Variants in ADAR observed in about 807,000 individuals in gnomAD.
ADAR encodes adenosine deaminase RNA specific.
In ADAR, 41 loss-of-function variants were observed where a neutral mutation model predicts 113.2. The ratio of observed to expected loss-of-function variants is 0.36; its 90% CI spans 0.28 to 0.47. The LOEUF (loss-of-function observed/expected upper bound fraction) is 0.47. Among genes scored for constraint, ADAR ranks in the 20% least tolerant of loss-of-function variants. The pLI is 1.00. For missense variants in ADAR, 1,242 were observed against 1,540.9 expected, an observed-to-expected ratio of 0.81 and a Z score of 3.25; for synonymous variants, 605 against 572.6, an observed-to-expected ratio of 1.06 and a Z score of -0.81.
intron 1 of ADAR, among the ~76,000 whole-genome samples, chr1:154,618,040 T>G (rs1442176828): frequency 6.6e-6 from 1 of 151,218 alleles, no homozygotes; most frequent in Non-Finnish European, 1.5e-5. Context: ...TATATGCATA[T>G]GTATATATGC....
intron 1 of ADAR, among the ~76,000 whole-genome samples, chr1:154,618,873 T>A (rs1278104073): frequency 6.6e-6 from 1 of 152,088 alleles, no homozygotes; most frequent in African/African-American, 2.4e-5. Flanking sequence ...ACTTTGGAAG[T>A]CCGAGGCAGG....
intron 3 of ADAR, 51 bp from the exon 4 acceptor site, chr1:154,598,027 AG>A: frequency 6.3e-7 from 1 of 1,583,378 alleles, no homozygotes; most frequent in Non-Finnish European, 8.6e-7. Flanking sequence ...AACACTGGTT[AG>A]TCCATCACAG....
In ADAR at chr1:154,607,980, G is replaced by C. The variant is rs755023176; in HGVS notation, c.15+12C>G. 3.7e-6 allele frequency: 6 copies of C among 1,610,736 alleles called. No individual in the cohort carries two copies. The highest frequency in any genetic ancestry group is 3.4e-6 in the Non-Finnish European group (4 of 1,178,882). ...CAGACGGCGGCGAAGGTCCAAGGCC[G>C]GCCCGGCTTACCTGCCGCGGATTCA... On this transcript the variant is annotated intron_variant, in intron 1 of 14. Transcript: ENST00000368474.
intron 1 of ADAR, among the ~76,000 whole-genome samples, chr1:154,614,200 C>G (rs1345436217): frequency 6.6e-6 from 1 of 152,156 alleles, no homozygotes; most frequent in Non-Finnish European, 1.5e-5. Context: ...GGATAACTAC[C>G]CCACGGGGTG....
rs35801582 is a variant in ADAR, at chr1:154,596,918, G to A, written c.2157C>T (p.Leu719=). The A allele has an allele frequency of 1.5e-5, 24 of 1,614,042 alleles. No homozygotes were observed. The Middle Eastern group carries it at 8.2e-4, about 55-fold the overall frequency. The change falls in exon 6 of 15, where the codon CTC becomes CTT. Residue 719 remains leucine, a synonymous_variant. Coordinates refer to ENST00000368474, the MANE Select transcript of ADAR (RefSeq NM_001111.5). ...MPNKVRKIGE[L]VRYLNTNPVG... Reference sequence around the variant, plus strand: ...CAGGGTTGGTGTTCAGGTATCTCACGAGCTCGCCAATCTTCCTGACCTTGT... The same window carrying A: ...CAGGGTTGGTGTTCAGGTATCTCACAAGCTCGCCAATCTTCCTGACCTTGT...
chr1:154,601,513 G>C lies in ADAR; in HGVS notation c.1129C>G (p.Pro377Ala), dbSNP rs1571107810. Residue 377 changes from proline (P) to alanine (A), a missense_variant, in exon 2 of 15, where the codon CCA (proline) becomes GCA (alanine). Transcript: ENST00000368474. This position sits in a 1 kb window ranked among gnomAD's most constrained non-coding sequence, Gnocchi z 4.7. ...CTTTTGGTCTCAGGGATTGCAGCTG[G>C]AGCGGTTTCAGGAACACTGTTCGTA... ...RNTNSVPETA[P>A]AAIPETKRNA... The C allele has an allele frequency of 6.2e-7, 1 of 1,613,888 alleles. No individual in the cohort carries two copies. Among genetic ancestry groups the C allele is most frequent in the Non-Finnish European group, 8.5e-7 (1 of 1,180,024 alleles).
chr1:154,591,586 A>G (rs1339273644), intron 6 of ADAR, among the ~76,000 whole-genome samples: 2 of 152,250 alleles, frequency 1.3e-5, no homozygotes, highest in African/African-American at 2.4e-5. Context: ...CACAGAGGGA[A>G]GAGCATGGTG....
Position 154,588,151 on chromosome 1 carries a change from C to T in ADAR, c.2993G>A (p.Gly998Glu). The T allele has an allele frequency of 6.2e-7, 1 of 1,613,988 alleles. No homozygotes were observed. Among genetic ancestry groups the T allele is most frequent in the Non-Finnish European group, 8.5e-7 (1 of 1,180,014 alleles). The change falls in exon 11 of 15, where the codon GGA becomes GAA. Residue 998 changes from glycine to glutamate, a missense_variant. Around this residue, in one of 2 missense-constraint regions of ADAR, gnomAD observed 780 missense variants for 1,057.9 expected, o/e 0.74. Coordinates refer to ENST00000368474, the MANE Select transcript of ADAR (RefSeq NM_001111.5). ...GTTCTCCACCTTGGTGCGGAGCTTT[C>T]CTTGTTTGGGATTCTCGAAGACAGG... Reference protein sequence around the residue: ...HYPVFENPKQGKLRTKVENGE... With the variant: ...HYPVFENPKQEKLRTKVENGE...
At chr1:154,593,765 A>G (rs1697320085) in intron 6 of ADAR, among the ~76,000 whole-genome samples, 1 of 152,368 alleles carries the variant, frequency 6.6e-6, no homozygotes, top group Non-Finnish European at 1.5e-5. Flanking sequence ...AAGTTCTTAC[A>G]TATCCATGAG....
intron 1 of ADAR, among the ~76,000 whole-genome samples, chr1:154,602,957 T>G (rs1413100644): frequency 1.3e-5 from 2 of 152,224 alleles, no homozygotes; most frequent in Admixed American, 6.5e-5. Context: ...AATTTTCTAG[T>G]TACCAAAACA....
At position 154,596,998 on chromosome 1, in the gene ADAR, A is replaced by G. The variant is rs372190707; in HGVS notation, c.2080-3T>C. The G allele has an allele frequency of 6.2e-6, 10 of 1,614,200 alleles. No individual in the cohort carries two copies. The highest frequency in any genetic ancestry group is 8.5e-6 in the Non-Finnish European group (10 of 1,180,038). On this transcript the variant is annotated splice_region_variant and splice_polypyrimidine_tract_variant and intron_variant, in intron 5 of 14. Transcript: ENST00000368474. ...GACTCTGAGATCATACCTTCAGGCT[A>G]AAGGAGAATCCATCAAACAGAGGAG...
At position 154,602,519 on chromosome 1, in the gene ADAR, A is replaced by C. The variant is rs1697955016; in HGVS notation, c.123T>G (p.Leu41=). 1 of 1,614,120 alleles carries C rather than the reference A, an allele frequency of 6.2e-7. No homozygotes were observed. The highest frequency in any genetic ancestry group is 8.5e-7 in the Non-Finnish European group (1 of 1,180,048). ...GCCCCTTGAGAAATTCTATTTGCTT[A>C]AGCAGGAAACTACTGGGGGAAGATC... The part of the protein sequence containing the change: ...GPGSSPSSFL[L]KQIEFLKGQL... Residue 41 remains leucine (L), a synonymous_variant, in exon 2 of 15, where the codon CTT becomes CTG. Transcript: ENST00000368474.
At chr1:154,627,124 A>G (rs958310591) in intron 1 of ADAR, among the ~76,000 whole-genome samples, 6 of 152,212 alleles carry the variant, frequency 3.9e-5, no homozygotes, top group East Asian at 1.9e-4. Flanking sequence ...TCAAAATCCA[A>G]TGACAGGTAT....
At chr1:154,599,632 G>A (rs1697729527) in intron 2 of ADAR, among the ~76,000 whole-genome samples, 1 of 152,200 alleles carries the variant, frequency 6.6e-6, no homozygotes, top group African/African-American at 2.4e-5. Flanking sequence ...TAAACATAAA[G>A]GTCAGTGGAA....
Position 154,589,403 on chromosome 1 carries a change from G to A in ADAR, c.2728C>T (p.His910Tyr). ...SLKGETVNDCHAEIISRRGFI... is the reference protein window; with the variant it reads ...SLKGETVNDCYAEIISRRGFI... ...CCTCTCCGGGAGATTATTTCTGCAT[G>A]GCAGTCATTGACAGTTTCTCCTTTT... The change falls in exon 9 of 15, where the codon CAT becomes TAT. Residue 910 changes from histidine (H) to tyrosine (Y), a missense_variant. This residue lies in a region of ADAR where 780 missense variants were observed against 1,057.9 expected (regional missense o/e 0.74). Transcript: ENST00000368474. The A allele has an allele frequency of 6.2e-7, 1 of 1,614,166 alleles. No homozygotes were observed. The highest frequency in any genetic ancestry group is 8.5e-7 in the Non-Finnish European group (1 of 1,180,004).
rs1697928752 is a variant in ADAR, at chr1:154,602,184, C to T, written c.458G>A (p.Gly153Glu). ...CAGATCATGTGCTGTGGTGGCCTTC[C>T]CTTCCCCAAGCTCTTCCAGGAACTT... ...ILKFLEELGE[G>E]KATTAHDLSG... The change falls in exon 2 of 15, where the codon GGG (glycine) becomes GAG (glutamate). Residue 153 changes from glycine (G) to glutamate (E), a missense_variant. This residue lies in a region of ADAR where 462 missense variants were observed against 483.1 expected (regional missense o/e 0.96). Transcript: ENST00000368474. The T allele has an allele frequency of 6.2e-6, 10 of 1,614,188 alleles. No individual in the cohort carries two copies. Among genetic ancestry groups the T allele is most frequent in the Non-Finnish European group, 7.6e-6 (9 of 1,180,016 alleles).
intron 3 of ADAR, 115 bp from the exon 4 acceptor site, chr1:154,598,091 C>T: frequency 7.8e-7 from 1 of 1,275,662 alleles, no homozygotes. Context: ...AAGGGGTTGG[C>T]TTCCCAAAGT....
intron 1 of ADAR, among the ~76,000 whole-genome samples, chr1:154,626,835 T>C (rs1287620110): frequency 6.6e-6 from 1 of 152,188 alleles, no homozygotes; most frequent in Non-Finnish European, 1.5e-5. Context: ...TTTTCCCATA[T>C]AGCAAGCACT....
chr1:154,600,967 A>G (rs924916469), intron 2 of ADAR, 74 bp downstream of exon 2: 10 of 1,601,192 alleles, frequency 6.2e-6, no homozygotes, highest in Non-Finnish European at 8.5e-6. Flanking sequence ...ACTGCTCACA[A>G]ATCAGCCAAG....
Sources: gnomAD v4.1 joint callset for allele counts (sites outside exome capture counted in the v4.1 genomes callset) on GRCh38, gnomAD v4.1.1 for gene constraint, gnomAD v4.1.1 regional missense constraint, Gnocchi (gnomAD v3.1) non-coding constraint, MANE v1.5 for transcripts, NCBI Gene and HGNC (gene_info 2026-07-23, HGNC 2026-07-21) for gene names.